TLN2: variants seen among roughly 807,000 people sequenced by gnomAD.
TLN2 encodes the protein talin-2.
In TLN2, 118 loss-of-function variants were observed where a neutral mutation model predicts 294.7. That is an observed-to-expected ratio of 0.40 (90% CI 0.34 to 0.47). The LOEUF (loss-of-function observed/expected upper bound fraction) is 0.47. TLN2 is among the 20% of genes least tolerant of loss of function. The pLI is 0.84. For synonymous variants in TLN2, 1,431 were observed against 1,304.5 expected (o/e 1.10, Z -2.09); for missense variants, 3,083 against 3,282.2 (o/e 0.94, Z 1.48).
At chr15:62,550,669 G>T (rs770216967) in intron 1 of TLN2, among the ~76,000 whole-genome samples, 2 of 152,158 alleles carry the variant, frequency 1.3e-5, no homozygotes, top group Non-Finnish European at 1.5e-5. Context: ...TCTTTTCATA[G>T]AATTGTTAAG....
chr15:62,585,819 T>C (rs1056049414), intron 1 of TLN2, among the ~76,000 whole-genome samples: 5 of 152,216 alleles, frequency 3.3e-5, no homozygotes, highest in Non-Finnish European at 1.5e-5. Context: ...GGAGACATGT[T>C]CTGTCTCAGC....
rs374581230 is a variant in TLN2 at position 62,621,618 on chromosome 15, G to A, written c.-37+3143G>A. On this transcript the variant is annotated intron_variant, in intron 3 of 58. Transcript: ENST00000636159. Reference sequence around the variant, plus strand: ...AGTGATATTTTCATATGAAGGGGTGGCAGAGGTACTTATATGTTTGAGAAA... The same window carrying A: ...AGTGATATTTTCATATGAAGGGGTGACAGAGGTACTTATATGTTTGAGAAA... 4.6e-5 allele frequency among the ~76,000 whole-genome samples: 7 copies of A among 152,290 alleles called. No homozygotes were observed. In the East Asian group the frequency reaches 1.2e-3, roughly 25 times the overall value.
chr15:62,422,117 G>A (rs1218883682), intron 1 of TLN2, among the ~76,000 whole-genome samples: 1 of 151,138 alleles, frequency 6.6e-6, no homozygotes, highest in East Asian at 1.9e-4. Flanking sequence ...AAAATTAGCC[G>A]GGCCTGGTGG....
intron 3 of TLN2, among the ~76,000 whole-genome samples, chr15:62,621,589 C>T (rs2048833529): frequency 1.3e-5 from 2 of 152,126 alleles, no homozygotes; most frequent in Non-Finnish European, 2.9e-5. Flanking sequence ...CTCAATCGTG[C>T]AGCAGTGATA....
intron 1 of TLN2, among the ~76,000 whole-genome samples, chr15:62,509,409 T>C (rs1238163376): frequency 6.6e-6 from 1 of 152,230 alleles, no homozygotes; most frequent in Non-Finnish European, 1.5e-5. Flanking sequence ...TTCTGTTACT[T>C]TCTAAGTGTT....
At chr15:62,541,636 A>T (rs1253460469) in intron 1 of TLN2, among the ~76,000 whole-genome samples, 2 of 152,024 alleles carry the variant, frequency 1.3e-5, no homozygotes, top group Non-Finnish European at 2.9e-5. Flanking sequence ...GGGGATTGAG[A>T]TGGAAAGAGA....
In TLN2 at chr15:62,775,061, A is replaced by C. The variant is rs371082024; in HGVS notation, c.5368-1703A>C. Among the ~76,000 whole-genome samples, 77 of 141,280 alleles carry C rather than the reference A, an allele frequency of 5.5e-4. 1 individual carries two copies. The South Asian group carries it at 0.016, about 30-fold the overall frequency. The allele number at this position is 141,280 out of a possible 152,430, so 92.7% of individuals were successfully genotyped here. On this transcript the variant is annotated intron_variant, in intron 42 of 58. Transcript: ENST00000636159. ...AAGCTCCACCTCCCGGGTTCACGCC[A>C]TTCTCCTGCCTCAGCCTCCCAAGTA...
intron 37 of TLN2, among the ~76,000 whole-genome samples, chr15:62,757,162 G>C (rs984815819): frequency 6.6e-6 from 1 of 152,230 alleles, no homozygotes; most frequent in Admixed American, 6.5e-5. Context: ...GAGGCACAAA[G>C]AGGTTAAGTA....
At chr15:62,681,669 C>G (rs187615415) in intron 11 of TLN2, among the ~76,000 whole-genome samples, 10 of 152,284 alleles carry the variant, frequency 6.6e-5, no homozygotes, top group African/African-American at 2.4e-4. Context: ...CTCTCTAAAT[C>G]TCAGTTTCTT....
intron 1 of TLN2, among the ~76,000 whole-genome samples, chr15:62,456,917 G>C (rs1052948673): frequency 6.6e-6 from 1 of 152,098 alleles, no homozygotes; most frequent in African/African-American, 2.4e-5. Flanking sequence ...AGGCCACCAA[G>C]CTGTGGGATG....
chr15:62,678,732 G>A (rs2141020251), intron 11 of TLN2, among the ~76,000 whole-genome samples: 1 of 152,306 alleles, frequency 6.6e-6, no homozygotes, highest in Non-Finnish European at 1.5e-5. Flanking sequence ...TTGGGTGGCT[G>A]AGGCAGGAGA....
intron 1 of TLN2, among the ~76,000 whole-genome samples, chr15:62,585,014 CAGT>C (rs2045471102): frequency 6.6e-6 from 1 of 152,164 alleles, no homozygotes; most frequent in Admixed American, 6.5e-5. Context: ...TACACACATG[CAGT>C]TGATGTCAGG....
At chr15:62,717,795 T>C in intron 24 of TLN2, 106 bp downstream of exon 24, 1 of 813,802 alleles carries the variant, frequency 1.2e-6, no homozygotes, top group East Asian at 3.2e-5. Context: ...TCCAAGCTCC[T>C]AATCCAATTT....
intron 55 of TLN2, 177 bp downstream of exon 55, chr15:62,833,806 TAAG>T: frequency 1.2e-6 from 1 of 860,868 alleles, no homozygotes. Context: ...ACCAACAGAA[TAAG>T]AGGTTTGGCT....
chr15:62,753,498 T>G (rs2062050113), intron 35 of TLN2, among the ~76,000 whole-genome samples: 1 of 152,188 alleles, frequency 6.6e-6, no homozygotes. Context: ...TCCATCCTTA[T>G]CCATGCCCCC....
rs145742333 is a variant in TLN2, at chr15:62,724,967, T to C, written c.3127-9T>C. 1.2e-5 allele frequency: 20 copies of C among 1,608,118 alleles called. 1 individual carries two copies. In the South Asian group the frequency reaches 2.1e-4, roughly 17 times the overall value. ...GACTGGGTATACATATTTCCAACTCTGTTGGCAGGCCCATGAAGCTTGTGG... is the reference window on the plus strand; with the variant it reads ...GACTGGGTATACATATTTCCAACTCCGTTGGCAGGCCCATGAAGCTTGTGG... On this transcript the variant is annotated splice_polypyrimidine_tract_variant and intron_variant, in intron 26 of 58. Coordinates refer to ENST00000636159, the MANE Select transcript of TLN2 (RefSeq NM_015059.3).
chr15:62,442,486 CTG>C (rs2035597908), intron 1 of TLN2, among the ~76,000 whole-genome samples: 1 of 80,324 alleles, frequency 1.2e-5, no homozygotes, highest in South Asian at 5.9e-4. Flanking sequence ...GAGTGAGACT[CTG>C]TCTCAGAAAA....
intron 27 of TLN2, 30 bp downstream of exon 27, chr15:62,725,134 G>T: frequency 6.3e-7 from 1 of 1,588,032 alleles, no homozygotes; most frequent in Non-Finnish European, 8.6e-7. Flanking sequence ...TGGGGTGCGG[G>T]TGTACCTTTT....
intron 14 of TLN2, among the ~76,000 whole-genome samples, chr15:62,694,712 G>A (rs370181213): frequency 2.6e-5 from 4 of 152,304 alleles, no homozygotes; most frequent in East Asian, 1.9e-4. Flanking sequence ...TCATTGAGCC[G>A]TACCGTCAGG....
Sources: gnomAD v4.1 joint callset for allele counts (sites outside exome capture counted in the v4.1 genomes callset) on GRCh38, gnomAD v4.1.1 for gene constraint, MANE v1.5 for transcripts, NCBI Gene and HGNC (gene_info 2026-07-23, HGNC 2026-07-21) for gene names.